The following AGO3 variants were observed in gnomAD, a reference collection of about 807,000 sequenced individuals.
The protein encoded by AGO3 is protein argonaute-3.
AGO3 carries 16 observed loss-of-function variants against 105.5 expected under a neutral mutation model. That is an observed-to-expected ratio of 0.15 (90% CI 0.10 to 0.23). The LOEUF is 0.23. AGO3 is among the 10% of genes least tolerant of loss of function. The pLI is 1.00. For missense variants in AGO3, 534 were observed against 1,088.0 expected (o/e 0.49, Z 7.16); for synonymous variants, 340 against 367.3 (o/e 0.93, Z 0.85).
At chr1:35,986,793 C>G (rs1012970244) in intron 5 of AGO3, among the ~76,000 whole-genome samples, 1 of 151,684 alleles carries the variant, frequency 6.6e-6, no homozygotes, top group African/African-American at 2.4e-5. Flanking sequence ...GTCAGGAGTT[C>G]GAGACCAGCC....
chr1:35,960,904 C>G (rs1444424004), intron 2 of AGO3, among the ~76,000 whole-genome samples: 1 of 151,318 alleles, frequency 6.6e-6, no homozygotes, highest in Non-Finnish European at 1.5e-5. Flanking sequence ...ATACGATTTA[C>G]CATGATAAAA....
At position 36,008,088 on chromosome 1, in the gene AGO3, A is replaced by G. The variant is rs575240728; in HGVS notation, c.794-602A>G. 3.3e-5 allele frequency among the ~76,000 whole-genome samples: 5 copies of G among 152,280 alleles called. No homozygotes were observed. The South Asian group carries it at 8.3e-4, about 25-fold the overall frequency. The stretch of plus-strand genomic sequence containing the variant: ...GTAGGGATCACCTACTTTAGGAATT[A>G]TTTTGGTTACATTTGATTTTTAATA... On this transcript the variant is annotated intron_variant, in intron 6 of 18. Transcript: ENST00000373191. The surrounding 1 kb of genome is among the most constrained non-coding windows in gnomAD (Gnocchi z 5.1).
chr1:35,947,174 A>G (rs995249692), intron 2 of AGO3, among the ~76,000 whole-genome samples: 2 of 152,298 alleles, frequency 1.3e-5, no homozygotes, highest in African/African-American at 4.8e-5. Context: ...GAGAAGAACC[A>G]GGTGTATTGA....
At chr1:36,006,705 T>G (rs1640351577) in intron 6 of AGO3, among the ~76,000 whole-genome samples, 1 of 152,208 alleles carries the variant, frequency 6.6e-6, no homozygotes, top group African/African-American at 2.4e-5. Context: ...CTCTAGTTGA[T>G]CTGACATTTT....
intron 5 of AGO3, among the ~76,000 whole-genome samples, chr1:35,985,565 T>C (rs1231613607): frequency 6.6e-6 from 1 of 152,084 alleles, no homozygotes; most frequent in African/African-American, 2.4e-5. Context: ...AGGGAAAGAG[T>C]AGAATATTTA....
intron 6 of AGO3, among the ~76,000 whole-genome samples, chr1:36,006,586 T>C (rs561822824): frequency 9.9e-5 from 15 of 152,182 alleles, no homozygotes; most frequent in Non-Finnish European, 1.8e-4. Context: ...CTGAACATAA[T>C]ATTTTTACGT....
rs1164355582 is a variant in AGO3, at chr1:35,931,407, C to T, written c.-20C>T. 6.8e-7 allele frequency: 1 copy of T among 1,476,042 alleles called. No individual in the cohort carries two copies. The highest frequency in any genetic ancestry group is 1.4e-5 in the South Asian group (1 of 72,962). 91.4% of individuals were successfully genotyped at this position (1,476,042 alleles called of 1,614,324 possible). ...TGGCGGGCTCCGTTCTCCCTCGAAG[C>T]ACTCCCCCCAGCTCCATGAATGGAA... is the stretch of plus-strand genomic sequence containing the variant. On this transcript the variant is annotated 5_prime_UTR_variant, in exon 1 of 19. Transcript: ENST00000373191.
intron 11 of AGO3, among the ~76,000 whole-genome samples, chr1:36,021,197 G>T (rs1269239122): frequency 6.6e-6 from 1 of 152,114 alleles, no homozygotes; most frequent in Non-Finnish European, 1.5e-5. Flanking sequence ...CTCCCAAAAT[G>T]CTAGGATTAC....
rs543969463 is a variant in AGO3 at position 36,057,118 on chromosome 1, G to T, written c.*1373G>T. Reference sequence around the variant, plus strand: ...GTCAGAAGTTGTAACTTTCTCTCTGGTAAGTGATGTGTATTCTGAAGCCTT... The same window carrying T: ...GTCAGAAGTTGTAACTTTCTCTCTGTTAAGTGATGTGTATTCTGAAGCCTT... On this transcript the variant is annotated 3_prime_UTR_variant, in exon 19 of 19. Coordinates refer to ENST00000373191, the MANE Select transcript of AGO3 (RefSeq NM_024852.4). 6.6e-6 allele frequency: 1 copy of T among 152,216 alleles called. No homozygotes were observed. Among genetic ancestry groups the T allele is most frequent in the African/African-American group, 2.4e-5 (1 of 41,554 alleles). 9.4% of individuals were successfully genotyped at this position (152,216 alleles called of 1,614,324 possible). A position where few individuals can be genotyped will look rare whatever the true frequency, so the allele number is the denominator to read the frequency against.
chr1:36,004,967 A>G (rs758438884), intron 6 of AGO3, among the ~76,000 whole-genome samples: 24 of 152,162 alleles, frequency 1.6e-4, no homozygotes, highest in Non-Finnish European at 2.4e-4. Context: ...AATATAAGTT[A>G]TAGAGTTGAC....
chr1:36,022,945 CAAA>C (rs370799633), intron 11 of AGO3, among the ~76,000 whole-genome samples: 7 of 65,980 alleles, frequency 1.1e-4, no homozygotes, highest in South Asian at 6.0e-4. Flanking sequence ...AAAAAAAAAA[CAAA>C]AAAAAAAGAG....
chr1:36,001,812 A>G (rs74066010), intron 5 of AGO3, among the ~76,000 whole-genome samples: 1,873 of 152,250 alleles, frequency 0.012, 37 homozygotes, highest in African/African-American at 0.043. Context: ...AGTACTAACA[A>G]TGGTTACTTA....
rs1302268623 is a variant in AGO3, at chr1:36,047,395, CAGA to C, written c.2274+3852_2274+3854del. Among the ~76,000 whole-genome samples the C allele has an allele frequency of 2.7e-5, 4 of 149,472 alleles. No individual in the cohort carries two copies. In the East Asian group the frequency reaches 7.8e-4, roughly 29 times the overall value. Reference sequence around the variant, plus strand: ...AGCTTCAACAGCAGATTTGATCAAGCAGAAGAATCTCTGAACTTGAAGACAGGT... The same window carrying C: ...AGCTTCAACAGCAGATTTGATCAAGCAGAATCTCTGAACTTGAAGACAGGT... On this transcript the variant is annotated intron_variant, in intron 17 of 18. Coordinates refer to ENST00000373191, the MANE Select transcript of AGO3 (RefSeq NM_024852.4).
At position 35,975,813 on chromosome 1, in the gene AGO3, T is replaced by A. The variant is rs557977871; in HGVS notation, c.658+2302T>A. 7.2e-5 allele frequency among the ~76,000 whole-genome samples: 11 copies of A among 152,308 alleles called. No homozygotes were observed. The East Asian group carries it at 1.9e-3, about 27-fold the overall frequency. The stretch of plus-strand genomic sequence containing the variant: ...AATTAAGTTAGGACAAATTGGCATA[T>A]TTAAGGTGTTGTCTTTTCTGTCAAA... On this transcript the variant is annotated intron_variant, in intron 5 of 18. Coordinates refer to ENST00000373191, the MANE Select transcript of AGO3 (RefSeq NM_024852.4).
At chr1:35,938,881 A>G (rs1475072507) in intron 1 of AGO3, among the ~76,000 whole-genome samples, 1 of 152,002 alleles carries the variant, frequency 6.6e-6, no homozygotes, top group Non-Finnish European at 1.5e-5. Flanking sequence ...GCTGTAGGCT[A>G]TTGTTTAGCT....
At chr1:35,981,204 G>A (rs933401944) in intron 5 of AGO3, among the ~76,000 whole-genome samples, 3 of 152,202 alleles carry the variant, frequency 2.0e-5, no homozygotes, top group Non-Finnish European at 2.9e-5. Context: ...CAGAAATGTC[G>A]CGGTGCCTTT....
intron 5 of AGO3, among the ~76,000 whole-genome samples, chr1:36,002,430 A>G (rs568409328): frequency 6.8e-6 from 1 of 146,252 alleles, no homozygotes; most frequent in Non-Finnish European, 1.5e-5. Flanking sequence ...CCCAGGTTCA[A>G]GCGATTCTCA....
At chr1:35,983,975 T>C (rs1557664745) in intron 5 of AGO3, among the ~76,000 whole-genome samples, 1 of 152,104 alleles carries the variant, frequency 6.6e-6, no homozygotes, top group Non-Finnish European at 1.5e-5. Context: ...CTCTTCAGTA[T>C]GTAAATCCAT....
chr1:36,071,729 T>A lies in AGO3; in HGVS notation c.*15984T>A, dbSNP rs1643169454. The A allele has an allele frequency of 6.6e-6, 1 of 152,230 alleles. No homozygotes were observed. The highest frequency in any genetic ancestry group is 2.4e-5 in the African/African-American group (1 of 41,460). The allele number at this position is 152,230 out of a possible 1,614,324, so 9.4% of individuals were successfully genotyped here. A position where few individuals can be genotyped will look rare whatever the true frequency, so the allele number is the denominator to read the frequency against. On this transcript the variant is annotated 3_prime_UTR_variant, in exon 19 of 19. Transcript: ENST00000373191. Reference sequence around the variant, plus strand: ...TAAATCTTTTTTTAAAATCTTCGGCTACACAGTAACATCAATTAAAACAGA... The same window carrying A: ...TAAATCTTTTTTTAAAATCTTCGGCAACACAGTAACATCAATTAAAACAGA...
Sources: allele counts gnomAD v4.1 joint callset (sites outside exome capture counted in the v4.1 genomes callset), GRCh38; gene constraint gnomAD v4.1.1; non-coding constraint Gnocchi (gnomAD v3.1); transcripts MANE v1.5; gene names NCBI Gene and HGNC (gene_info 2026-07-23, HGNC 2026-07-21).